MRO: variants seen among roughly 807,000 people sequenced by gnomAD.
MRO encodes maestro.
A neutral mutation model predicts 31.0 loss-of-function variants in MRO; 28 were observed. That is an observed-to-expected ratio of 0.90 (90% CI 0.67 to 1.24). The LOEUF (loss-of-function observed/expected upper bound fraction) is 1.24, where lower values mean the gene tolerates loss of function less well. MRO is among the 50% of genes most tolerant of loss of function. MRO has a pLI of 0.00. For missense variants in MRO, 332 were observed against 289.2 expected, an observed-to-expected ratio of 1.15 and a Z score of -1.07; for synonymous variants, 108 against 108.4, an observed-to-expected ratio of 1.00 and a Z score of 0.02.
chr18:50,817,233 C>CT (rs1915000218), intron 2 of MRO, among the ~76,000 whole-genome samples: 1 of 152,156 alleles, frequency 6.6e-6, no homozygotes, highest in Non-Finnish European at 1.5e-5. Flanking sequence ...GTGGTTTAAT[C>CT]TTACAGGTTG....
chr18:50,799,933 C>T (rs560517244), intron 7 of MRO, 103 bp downstream of exon 7: 1 of 786,452 alleles, frequency 1.3e-6, no homozygotes, highest in South Asian at 1.7e-5. Context: ...TGGCCTGAGT[C>T]ATTTTAAGGG....
Position 50,800,061 on chromosome 18 carries a change from C to T in MRO, c.668G>A (p.Arg223Lys), listed in dbSNP as rs770033003. The part of the protein sequence containing the change: ...EYSFQSEEDQ[R>K]NTKLYQQLSH... ...CAGCTGCTGGTAGAGCTTAGTGTTC[C>T]TTTGATCTTCTTCACTCTGGAAGCT... Residue 223 changes from arginine (R) to lysine (K), a missense_variant, in exon 7 of 8, where the codon AGG (arginine) becomes AAG (lysine). Physicochemically the swap from Arg to Lys is conservative, Grantham distance 26. Coordinates refer to ENST00000398439, the MANE Select transcript of MRO (RefSeq NM_031939.6). The T allele has an allele frequency of 8.1e-6, 13 of 1,613,416 alleles. No individual in the cohort carries two copies. In the East Asian group the frequency reaches 2.9e-4, roughly 36 times the overall value.
chr18:50,814,287 A>C (rs1914711712), intron 2 of MRO: 1 of 152,204 alleles, frequency 6.6e-6, no homozygotes, highest in Non-Finnish European at 1.5e-5. Flanking sequence ...TTCAAAAAAA[A>C]AAAAACTCAA....
chr18:50,819,458 C>G, intron 2 of MRO, 123 bp downstream of exon 2: 2 of 1,450,310 alleles, frequency 1.4e-6, no homozygotes, highest in South Asian at 2.9e-5. Flanking sequence ...CAAATCCTAC[C>G]CCCTAGAGGT....
chr18:50,797,223 G>A lies in MRO; in HGVS notation c.*2114C>T, dbSNP rs12326772. 0.16 allele frequency: 23,765 copies of A among 152,146 alleles called. 2,964 individuals carry two copies. The highest frequency in any genetic ancestry group is 0.34 in the African/African-American group (13,878 of 41,420). The allele number at this position is 152,146 out of a possible 1,614,324, so 9.4% of individuals were successfully genotyped here. A position where few individuals can be genotyped will look rare whatever the true frequency, so the allele number is the denominator to read the frequency against. Reference sequence around the variant, plus strand: ...AAGGGACAACTTGTGTCATGTGTCCGGGCCTCAGACTCTGCTGTGGGTTGG... The same window carrying A: ...AAGGGACAACTTGTGTCATGTGTCCAGGCCTCAGACTCTGCTGTGGGTTGG... On this transcript the variant is annotated 3_prime_UTR_variant, in exon 8 of 8. Coordinates refer to ENST00000398439, the MANE Select transcript of MRO (RefSeq NM_031939.6).
At chr18:50,813,780 GC>G (rs1914660070) in intron 2 of MRO, among the ~76,000 whole-genome samples, 1 of 152,214 alleles carries the variant, frequency 6.6e-6, no homozygotes, top group African/African-American at 2.4e-5. Context: ...ATAAGTGGGA[GC>G]TAAATGTTGA....
At chr18:50,803,114 A>T (rs1956917382) in intron 5 of MRO, among the ~76,000 whole-genome samples, 1 of 152,094 alleles carries the variant, frequency 6.6e-6, no homozygotes, top group East Asian at 1.9e-4. Flanking sequence ...TGCTATCTGT[A>T]ATGGAGATGT....
rs1488801179 is a variant in MRO at position 50,797,252 on chromosome 18, T to G, written c.*2085A>C. ...CTCAGACTCTGCTGTGGGTTGGGTG[T>G]CTCCGTTCTCCTTCACATGGTGATC... On this transcript the variant is annotated 3_prime_UTR_variant, in exon 8 of 8. Transcript: ENST00000398439. 6.6e-6 allele frequency: 1 copy of G among 152,176 alleles called. No homozygotes were observed. The highest frequency in any genetic ancestry group is 1.9e-4 in the East Asian group (1 of 5,190). The allele number at this position is 152,176 out of a possible 1,614,324, so 9.4% of individuals were successfully genotyped here.
At chr18:50,815,783 C>T (rs776231315) in intron 2 of MRO, 2 of 342,900 alleles carry the variant, frequency 5.8e-6, no homozygotes, top group African/African-American at 2.2e-5. Context: ...CCTGTAATCC[C>T]AGCACTTTGG....
chr18:50,809,142 CTCAAAAAAAAAAAAAAA>C (rs1914221607), intron 3 of MRO, among the ~76,000 whole-genome samples, 143 bp downstream of exon 3: 1 of 66,446 alleles, frequency 1.5e-5, no homozygotes, highest in Non-Finnish European at 3.1e-5. Context: ...GAGACTCCGT[CTCAAAAAAAAAAAAAAA>C]AAAAAAAAAA....
chr18:50,820,054 C>G, upstream of MRO: 1 of 1,199,774 alleles, frequency 8.3e-7, no homozygotes, highest in Non-Finnish European at 1.2e-6. Context: ...ACCTCCCTGC[C>G]AAGGCCCGTT....
At chr18:50,811,986 C>A (rs1022108362) in intron 2 of MRO, among the ~76,000 whole-genome samples, 9 of 152,224 alleles carry the variant, frequency 5.9e-5, no homozygotes, top group Non-Finnish European at 1.0e-4. Flanking sequence ...AAGTGATCTG[C>A]CTACCTCAGC....
At chr18:50,811,783 T>A (rs1055387457) in intron 2 of MRO, among the ~76,000 whole-genome samples, 4 of 143,926 alleles carry the variant, frequency 2.8e-5, no homozygotes, top group African/African-American at 1.0e-4. Context: ...AGACAGAGTC[T>A]TACTCTGTCT....
chr18:50,802,447 A>T (rs1913432313), intron 5 of MRO, among the ~76,000 whole-genome samples: 1 of 152,188 alleles, frequency 6.6e-6, no homozygotes. Flanking sequence ...GCCCAAAATC[A>T]CACTGTCGGG....
At chr18:50,818,006 A>T (rs1447403543) in intron 2 of MRO, among the ~76,000 whole-genome samples, 1 of 75,460 alleles carries the variant, frequency 1.3e-5, no homozygotes, top group African/African-American at 4.9e-5. Context: ...CCCCCGCCCC[A>T]TGCCCTCCTT....
In MRO at chr18:50,805,300, C is replaced by T. The variant is rs145300318; in HGVS notation, c.283G>A (p.Val95Met). Residue 95 changes from valine (V) to methionine (M), a missense_variant, in exon 5 of 8, where the codon GTG becomes ATG. Coordinates refer to ENST00000398439, the MANE Select transcript of MRO (RefSeq NM_031939.6). ...TTCACAGGGTCATACAGTCCATACA[C>T]CAGCAGGTCGAGGACAATTTTCTTA... The part of the protein sequence containing the change: ...KYKKIVLDLL[V>M]YGLYDPVNLE... The T allele has an allele frequency of 1.2e-5, 19 of 1,613,934 alleles. No individual in the cohort carries two copies. Among genetic ancestry groups the T allele is most frequent in the African/African-American group, 2.7e-5 (2 of 74,908 alleles).
chr18:50,822,289 G>C (rs1915329634), upstream of MRO, among the ~76,000 whole-genome samples: 2 of 71,562 alleles, frequency 2.8e-5, no homozygotes, highest in South Asian at 4.1e-4. Context: ...CCTTGTATGT[G>C]AATTACATGT....
At chr18:50,824,272 T>C (rs1317943636), upstream of MRO, among the ~76,000 whole-genome samples, 1 of 151,916 alleles carries the variant, frequency 6.6e-6, no homozygotes, top group Non-Finnish European at 1.5e-5. Flanking sequence ...CCCATCTCTA[T>C]AGTTAAACAA....
At chr18:50,824,425 A>G (rs1915424077), upstream of MRO, among the ~76,000 whole-genome samples, 1 of 151,000 alleles carries the variant, frequency 6.6e-6, no homozygotes, top group Admixed American at 6.6e-5. Flanking sequence ...TGGGTGATAG[A>G]GCAAGACACT....
Sources: allele counts gnomAD v4.1 joint callset (sites outside exome capture counted in the v4.1 genomes callset), GRCh38; gene constraint gnomAD v4.1.1; transcripts MANE v1.5; gene names NCBI Gene and HGNC (gene_info 2026-07-23, HGNC 2026-07-21).